Variants in MCOLN1 observed in about 807,000 individuals in gnomAD.
MCOLN1 encodes mucolipin TRP cation channel 1, also known as mucolipin-1.
A neutral mutation model predicts 70.3 loss-of-function variants in MCOLN1; 50 were observed. That is an observed-to-expected ratio of 0.71 (90% CI 0.57 to 0.90). The LOEUF is 0.90. Among genes scored for constraint, MCOLN1 ranks in the 40% least tolerant of loss-of-function variants. MCOLN1 has a pLI of 0.00. For missense variants in MCOLN1, 598 were observed against 803.5 expected, an observed-to-expected ratio of 0.74 and a Z score of 3.09; for synonymous variants, 366 against 341.0, an observed-to-expected ratio of 1.07 and a Z score of -0.81.
rs3029891 is a variant in MCOLN1 at position 7,525,490 on chromosome 19, C to CAAA, written c.237+333_237+335dup. 3.8e-3 allele frequency: 998 copies of CAAA among 259,838 alleles called. 15 individuals carry two copies. The highest frequency in any genetic ancestry group is 0.019 in the African/African-American group (808 of 42,292). 16.1% of individuals were successfully genotyped at this position (259,838 alleles called of 1,614,324 possible). On this transcript the variant is annotated intron_variant, in intron 2 of 13. Coordinates refer to ENST00000264079, the MANE Select transcript of MCOLN1 (RefSeq NM_020533.3). This position sits in a 1 kb window ranked among gnomAD's most constrained non-coding sequence, Gnocchi z 4.2. ...CCTGGGCAACAGAGCAAGACTGTCT[C>CAAA]AAAAAAAAAAAGAAGCCGACTCTGA... is the stretch of plus-strand genomic sequence containing the variant.
intron 1 of MCOLN1, among the ~76,000 whole-genome samples, chr19:7,523,853 A>G (rs1029735063): frequency 1.3e-5 from 2 of 150,056 alleles, no homozygotes; most frequent in Non-Finnish European, 3.0e-5. Flanking sequence ...GAGAGGGTGG[A>G]CTTTTTTTTT....
rs1463272779 is a variant in MCOLN1, at chr19:7,533,563, C to T, written c.1616C>T (p.Ala539Val). ...GAGAEESELQ[A>V]YIAQCQDSPT... The stretch of plus-strand genomic sequence containing the variant: ...GGCGCAGAGGAGAGCGAGCTGCAGG[C>T]CTACATCGCACAGTGCCAGGACAGC... Residue 539 changes from alanine (A) to valine (V), a missense_variant, in exon 13 of 14, where the codon GCC becomes GTC. By Grantham distance (64) the Ala-to-Val change is moderately conservative. Around this residue, in one of 3 missense-constraint regions of MCOLN1, gnomAD observed 59 missense variants for 58.8 expected, o/e 1.00. Transcript: ENST00000264079. 2 of 1,612,326 alleles carry T rather than the reference C, an allele frequency of 1.2e-6. No homozygotes were observed. The highest frequency in any genetic ancestry group is 1.7e-6 in the Non-Finnish European group (2 of 1,179,948).
intron 10 of MCOLN1, 116 bp from the exon 11 acceptor site, chr19:7,529,474 G>T: frequency 7.3e-7 from 1 of 1,361,622 alleles, no homozygotes; most frequent in Non-Finnish European, 1.0e-6. Context: ...TGGCTCCCAT[G>T]ACCACACCGG....
At chr19:7,533,460 A>G (rs1252072434) in intron 12 of MCOLN1, 63 bp from the exon 13 acceptor site, 2 of 1,595,674 alleles carry the variant, frequency 1.3e-6, no homozygotes. Flanking sequence ...GGGAGGGCGG[A>G]CTTCAAGGGC....
At position 7,533,816 on chromosome 19, in the gene MCOLN1, A is replaced by G; in HGVS notation, c.*21A>G. 1 of 1,613,826 alleles carries G rather than the reference A, an allele frequency of 6.2e-7. No homozygotes were observed. The highest frequency in any genetic ancestry group is 8.5e-7 in the Non-Finnish European group (1 of 1,179,902). The stretch of plus-strand genomic sequence containing the variant: ...ATTGATTCGACCTGACTGCCGTTGG[A>G]CCGTAGGCCCTGGACTGCAGAGACC... On this transcript the variant is annotated 3_prime_UTR_variant, in exon 14 of 14. Transcript: ENST00000264079.
Position 7,527,966 on chromosome 19 carries a change from G to A in MCOLN1, c.777+6G>A. 2 of 1,611,566 alleles carry A rather than the reference G, an allele frequency of 1.2e-6. No homozygotes were observed. The highest frequency in any genetic ancestry group is 1.7e-6 in the Non-Finnish European group (2 of 1,177,752). On this transcript the variant is annotated splice_donor_region_variant and intron_variant, in intron 6 of 13. Transcript: ENST00000264079. ...GCTATACCTTCAGCGTCCTGGTGAG[G>A]CCCCCCGGGAACCCACAGGGCTCCT... is the stretch of plus-strand genomic sequence containing the variant.
Position 7,533,922 on chromosome 19 carries a change from C to T in MCOLN1, c.*127C>T. On this transcript the variant is annotated 3_prime_UTR_variant, in exon 14 of 14. Transcript: ENST00000264079. The stretch of plus-strand genomic sequence containing the variant: ...CTGTCGCGCCCGAGGAGGGCCTGGA[C>T]CTTTCGTGTCGGACCCTTGGGGGCG... The T allele has an allele frequency of 8.9e-7, 1 of 1,127,738 alleles. No individual in the cohort carries two copies. 69.9% of individuals were successfully genotyped at this position (1,127,738 alleles called of 1,614,324 possible). A position where few individuals can be genotyped will look rare whatever the true frequency, so the allele number is the denominator to read the frequency against.
intron 10 of MCOLN1, 61 bp from the exon 11 acceptor site, chr19:7,529,529 G>GGCCC: frequency 1.3e-6 from 2 of 1,481,562 alleles, no homozygotes; most frequent in Non-Finnish European, 1.8e-6. Context: ...CCATCTGGGT[G>GGCCC]CCCACAGCTG....
rs751972886 is a variant in MCOLN1 at position 7,530,393 on chromosome 19, G to C, written c.1467G>C (p.Leu489=). 1 of 1,613,796 alleles carries C rather than the reference G, an allele frequency of 6.2e-7. No homozygotes were observed. The highest frequency in any genetic ancestry group is 1.1e-5 in the South Asian group (1 of 91,084). The change falls in exon 12 of 14, where the codon CTG becomes CTC. Residue 489 remains leucine, a synonymous_variant. Coordinates refer to ENST00000264079, the MANE Select transcript of MCOLN1 (RefSeq NM_020533.3). ...AGGCGCAGCAGGGCCGCAGCAGCCT[G>C]GTGTGGCTCTTCTCCCAGCTCTACC... ...AMQAQQGRSS[L]VWLFSQLYLY...
Position 7,524,029 on chromosome 19 carries a change from A to T in MCOLN1, c.32-932A>T, listed in dbSNP as rs535642438. Among the ~76,000 whole-genome samples the T allele has an allele frequency of 1.1e-4, 16 of 151,998 alleles. No homozygotes were observed. In the South Asian group the frequency reaches 1.7e-3, roughly 16 times the overall value. ...CATGAGCCGTCACACCTGACTATTT[A>T]AAAAAAATGTTTTTTTTTTGTAGAC... On this transcript the variant is annotated intron_variant, in intron 1 of 13. Coordinates refer to ENST00000264079, the MANE Select transcript of MCOLN1 (RefSeq NM_020533.3). This position sits in a 1 kb window ranked among gnomAD's most constrained non-coding sequence, Gnocchi z 4.1.
chr19:7,529,008 C>A, intron 9 of MCOLN1, 38 bp downstream of exon 9: 1 of 1,614,004 alleles, frequency 6.2e-7, no homozygotes, highest in Non-Finnish European at 8.5e-7. Flanking sequence ...AGGTCCCATC[C>A]CTGCTGTCAG....
chr19:7,523,112 A>G (rs1280065854), intron 1 of MCOLN1, among the ~76,000 whole-genome samples: 1 of 152,186 alleles, frequency 6.6e-6, no homozygotes, highest in Non-Finnish European at 1.5e-5. Flanking sequence ...GAACTCAGAC[A>G]GCGGGCACCA....
In MCOLN1 at chr19:7,529,685, G is replaced by C; in HGVS notation, c.1332G>C (p.Trp444Cys). 4 of 1,614,164 alleles carry C rather than the reference G, an allele frequency of 2.5e-6. No homozygotes were observed. The highest frequency in any genetic ancestry group is 3.4e-6 in the Non-Finnish European group (4 of 1,180,008). Reference protein sequence around the residue: ...VIYLGYCFCGWIVLGPYHVKF... With the variant: ...VIYLGYCFCGCIVLGPYHVKF... The stretch of plus-strand genomic sequence containing the variant: ...ACCTGGGCTACTGCTTCTGTGGCTG[G>C]ATCGTGCTGGGGCCCTATCATGTGA... The change falls in exon 11 of 14, where the codon TGG becomes TGC. Residue 444 changes from tryptophan to cysteine, a missense_variant. By Grantham distance (215) the Trp-to-Cys change is radical. Coordinates refer to ENST00000264079, the MANE Select transcript of MCOLN1 (RefSeq NM_020533.3).
In MCOLN1 at chr19:7,525,034, C is replaced by T; in HGVS notation, c.105C>T (p.Pro35=). 6.2e-7 allele frequency: 1 copy of T among 1,614,110 alleles called. No homozygotes were observed. Among genetic ancestry groups the T allele is most frequent in the Non-Finnish European group, 8.5e-7 (1 of 1,180,040 alleles). The change falls in exon 2 of 14, where the codon CCC becomes CCT. Residue 35 remains proline, a synonymous_variant. Coordinates refer to ENST00000264079, the MANE Select transcript of MCOLN1 (RefSeq NM_020533.3). This position sits in a 1 kb window ranked among gnomAD's most constrained non-coding sequence, Gnocchi z 4.2. The stretch of plus-strand genomic sequence containing the variant: ...GGCCTTCACCGGCCCCTCCGACACC[C>T]CCAGAAGAGGAAGACCTTCGCCGTC... The part of the protein sequence containing the change: ...QAGPSPAPPT[P]PEEEDLRRRL...
Position 7,526,145 on chromosome 19 carries a change from T to A in MCOLN1, c.238-294T>A. On this transcript the variant is annotated intron_variant, in intron 2 of 13. Coordinates refer to ENST00000264079, the MANE Select transcript of MCOLN1 (RefSeq NM_020533.3). The surrounding 1 kb of genome is among the most constrained non-coding windows in gnomAD (Gnocchi z 4.6). ...ACAGAATCGGACATCCAGTAAACAT[T>A]TAATGAACGTTAGTCCCTGCAGTGA... 2 of 496,342 alleles carry A rather than the reference T, an allele frequency of 4.0e-6. No homozygotes were observed. The highest frequency in any genetic ancestry group is 7.4e-6 in the Non-Finnish European group (2 of 270,516). 30.7% of individuals were successfully genotyped at this position (496,342 alleles called of 1,614,324 possible). A position where few individuals can be genotyped will look rare whatever the true frequency, so the allele number is the denominator to read the frequency against.
chr19:7,533,382 C>T (rs953514794), intron 12 of MCOLN1, 141 bp from the exon 13 acceptor site: 1 of 1,112,360 alleles, frequency 9.0e-7, no homozygotes, highest in Non-Finnish European at 1.3e-6. Context: ...AACTGTGGAA[C>T]AACGGGTGGA....
Position 7,528,045 on chromosome 19 carries a change from G to A in MCOLN1, c.777+85G>A. 6.6e-7 allele frequency: 1 copy of A among 1,525,016 alleles called. No homozygotes were observed. The highest frequency in any genetic ancestry group is 9.1e-7 in the Non-Finnish European group (1 of 1,099,366). The allele number at this position is 1,525,016 out of a possible 1,614,324, so 94.5% of individuals were successfully genotyped here. A position where few individuals can be genotyped will look rare whatever the true frequency, so the allele number is the denominator to read the frequency against. Reference sequence around the variant, plus strand: ...AGTGTCTTGGGAGCACTGGCCAAGGGCAAGCGTGCGGGTGATGAGGGAGGG... The same window carrying A: ...AGTGTCTTGGGAGCACTGGCCAAGGACAAGCGTGCGGGTGATGAGGGAGGG... On this transcript the variant is annotated intron_variant, in intron 6 of 13. Transcript: ENST00000264079. This position sits in a 1 kb window ranked among gnomAD's most constrained non-coding sequence, Gnocchi z 4.2.
At chr19:7,529,515 AC>A in intron 10 of MCOLN1, 74 bp from the exon 11 acceptor site, 1 of 407,482 alleles carries the variant, frequency 2.5e-6, no homozygotes, top group East Asian at 7.4e-5. Context: ...CGCCCCTCCC[AC>A]CCCCATCTGG....
Position 7,533,598 on chromosome 19 carries a change from G to T in MCOLN1, c.1651G>T (p.Gly551Cys), listed in dbSNP as rs898915046. Reference sequence around the variant, plus strand: ...ACAGTGCCAGGACAGCCCCACCTCCGGCAAGTTCCGCCGCGGGAGCGGCTC... The same window carrying T: ...ACAGTGCCAGGACAGCCCCACCTCCTGCAAGTTCCGCCGCGGGAGCGGCTC... ...IAQCQDSPTS[G>C]KFRRGSGSAC... The change falls in exon 13 of 14, where the codon GGC (glycine) becomes TGC (cysteine). Residue 551 changes from glycine (G) to cysteine (C), a missense_variant. Transcript: ENST00000264079. 44 of 1,613,346 alleles carry T rather than the reference G, an allele frequency of 2.7e-5. No homozygotes were observed. The highest frequency in any genetic ancestry group is 4.0e-5 in the African/African-American group (3 of 74,946).
Sources: gnomAD v4.1 joint callset for allele counts (sites outside exome capture counted in the v4.1 genomes callset) on GRCh38, gnomAD v4.1.1 for gene constraint, gnomAD v4.1.1 regional missense constraint, Gnocchi (gnomAD v3.1) non-coding constraint, MANE v1.5 for transcripts, NCBI Gene and HGNC (gene_info 2026-07-23, HGNC 2026-07-21) for gene names.